Variants in ASB7 observed in about 807,000 individuals in gnomAD.
ASB7 encodes the protein ankyrin repeat and SOCS box protein 7.
Under a neutral mutation model 32.5 loss-of-function variants are expected in ASB7, and 4 were observed. The observed-to-expected ratio is 0.12, with a 90% CI of 0.06 to 0.28. ASB7 has a LOEUF of 0.28. ASB7 is among the 10% of genes least tolerant of loss of function. ASB7 has a pLI of 1.00. For synonymous variants in ASB7, 172 were observed against 155.6 expected (o/e 1.11, Z -0.78); for missense variants, 181 against 407.1 (o/e 0.44, Z 4.78).
At chr15:100,642,864 C>G (rs2039971016) in intron 5 of ASB7, among the ~76,000 whole-genome samples, 1 of 152,226 alleles carries the variant, frequency 6.6e-6, no homozygotes, top group South Asian at 2.1e-4. Flanking sequence ...TGGTGAAACC[C>G]TGTCTCTGTT....
chr15:100,612,375 C>A lies in ASB7; in HGVS notation c.159C>A (p.Phe53Leu). 1.9e-6 allele frequency: 3 copies of A among 1,614,146 alleles called. No individual in the cohort carries two copies. The highest frequency in any genetic ancestry group is 1.7e-6 in the Non-Finnish European group (2 of 1,179,982). Residue 53 changes from phenylalanine (F) to leucine (L), a missense_variant, in exon 4 of 6, where the codon TTC becomes TTA. By Grantham distance (22) the Phe-to-Leu change is conservative (BLOSUM62 0). Transcript: ENST00000332783. ...RDANGWTLLH[F>L]SAARGKERCV... is the part of the protein sequence containing the mutation. Reference sequence around the variant, plus strand: ...CGAATGGCTGGACTCTGCTTCATTTCTCTGCAGCAAGAGGAAAGGAAAGAT... The same window carrying A: ...CGAATGGCTGGACTCTGCTTCATTTATCTGCAGCAAGAGGAAAGGAAAGAT...
At chr15:100,622,281 C>G (rs1408493579) in intron 4 of ASB7, among the ~76,000 whole-genome samples, 1 of 151,958 alleles carries the variant, frequency 6.6e-6, no homozygotes, top group Non-Finnish European at 1.5e-5. Context: ...AGGAAAACTA[C>G]AAAGCACTGA....
At chr15:100,638,583 C>T (rs1467956106) in intron 5 of ASB7, 2 of 152,222 alleles carry the variant, frequency 1.3e-5, no homozygotes, top group Non-Finnish European at 2.9e-5. Context: ...TGCGCAGTAA[C>T]ATATCAAAGG....
At chr15:100,635,493 G>C (rs1237268131) in intron 5 of ASB7, among the ~76,000 whole-genome samples, 1 of 152,236 alleles carries the variant, frequency 6.6e-6, no homozygotes, top group South Asian at 2.1e-4. Context: ...CTGTGAATTG[G>C]GCTGTGAGTC....
intron 2 of ASB7, among the ~76,000 whole-genome samples, chr15:100,606,721 A>G (rs2039648082): frequency 6.6e-6 from 1 of 152,190 alleles, no homozygotes; most frequent in African/African-American, 2.4e-5. Flanking sequence ...CCCCAAGTGG[A>G]AAAGAAAGTC....
At chr15:100,624,500 C>A (rs1475372436) in intron 4 of ASB7, among the ~76,000 whole-genome samples, 1 of 152,090 alleles carries the variant, frequency 6.6e-6, no homozygotes, top group Non-Finnish European at 1.5e-5. Flanking sequence ...CTCTAGACAT[C>A]AAAAAGATTA....
At chr15:100,630,697 A>T (rs2039876880) in intron 5 of ASB7, among the ~76,000 whole-genome samples, 1 of 152,104 alleles carries the variant, frequency 6.6e-6, no homozygotes, top group Admixed American at 6.5e-5. Flanking sequence ...AAAGCCTGGA[A>T]GTGTCTGGCC....
intron 5 of ASB7, among the ~76,000 whole-genome samples, chr15:100,647,030 AT>A (rs892485968): frequency 6.8e-5 from 10 of 147,094 alleles, no homozygotes; most frequent in African/African-American, 2.3e-4. Context: ...TTCTTGTTAA[AT>A]TTTTTTTTGG....
At chr15:100,612,625 G>A (rs1183689552) in intron 4 of ASB7, 198 bp downstream of exon 4, 6 of 608,054 alleles carry the variant, frequency 9.9e-6, no homozygotes, top group African/African-American at 7.4e-5. Context: ...TTTTATGAAT[G>A]GATTCTTTTC....
At chr15:100,628,976 G>A (rs1269405999) in intron 4 of ASB7, among the ~76,000 whole-genome samples, 1 of 152,132 alleles carries the variant, frequency 6.6e-6, no homozygotes, top group Non-Finnish European at 1.5e-5. Context: ...AACACGGTGT[G>A]CCAGAGCATA....
Position 100,649,534 on chromosome 15 carries a change from C to T in ASB7, c.*1072C>T, listed in dbSNP as rs1002892169. 1 of 151,918 alleles carries T rather than the reference C, an allele frequency of 6.6e-6. No homozygotes were observed. The highest frequency in any genetic ancestry group is 2.4e-5 in the African/African-American group (1 of 41,316). 9.4% of individuals were successfully genotyped at this position (151,918 alleles called of 1,614,324 possible). Reference sequence around the variant, plus strand: ...TTTTCTTCCCAGTTTAAAAAAAAAACTTTTTAAGCGTAAAATCTTTAAGGG... The same window carrying T: ...TTTTCTTCCCAGTTTAAAAAAAAAATTTTTTAAGCGTAAAATCTTTAAGGG... On this transcript the variant is annotated 3_prime_UTR_variant, in exon 6 of 6. Transcript: ENST00000332783.
chr15:100,603,870 A>G (rs1326823317), intron 2 of ASB7, among the ~76,000 whole-genome samples: 2 of 152,210 alleles, frequency 1.3e-5, no homozygotes, highest in African/African-American at 2.4e-5. Context: ...CCTACTAGAA[A>G]GCCAACCTGT....
rs532795139 is a variant in ASB7 at position 100,649,459 on chromosome 15, A to G, written c.*997A>G. 1.3e-5 allele frequency: 2 copies of G among 152,186 alleles called. No homozygotes were observed. The highest frequency in any genetic ancestry group is 2.9e-5 in the Non-Finnish European group (2 of 67,990). The allele number at this position is 152,186 out of a possible 1,614,324, so 9.4% of individuals were successfully genotyped here. A position where few individuals can be genotyped will look rare whatever the true frequency, so the allele number is the denominator to read the frequency against. On this transcript the variant is annotated 3_prime_UTR_variant, in exon 6 of 6. Transcript: ENST00000332783. ...CGAGTCTTCCCTTAAAAATTGTTAA[A>G]TCATTTGGCTTTAATGGTTCAATAA...
chr15:100,636,710 C>T (rs780542711), intron 5 of ASB7, among the ~76,000 whole-genome samples: 1 of 152,156 alleles, frequency 6.6e-6, no homozygotes, highest in Non-Finnish European at 1.5e-5. Context: ...CTCTTAAAGG[C>T]TATGATTTTC....
intron 4 of ASB7, among the ~76,000 whole-genome samples, chr15:100,616,384 T>A (rs1290081688): frequency 6.6e-6 from 1 of 152,236 alleles, no homozygotes; most frequent in Non-Finnish European, 1.5e-5. Context: ...TTCTTTAGCC[T>A]TATCGTTTGT....
chr15:100,635,540 T>G (rs2039916157), intron 5 of ASB7, among the ~76,000 whole-genome samples: 1 of 152,164 alleles, frequency 6.6e-6, no homozygotes, highest in South Asian at 2.1e-4. Flanking sequence ...AGGGTTCCGG[T>G]CCCTGCAGTG....
At chr15:100,606,999 A>G (rs1295946336) in intron 2 of ASB7, among the ~76,000 whole-genome samples, 3 of 152,016 alleles carry the variant, frequency 2.0e-5, no homozygotes. Flanking sequence ...CTAAAAATAC[A>G]TGAATTAGCC....
intron 3 of ASB7, among the ~76,000 whole-genome samples, chr15:100,610,287 G>T (rs1567111351): frequency 2.0e-5 from 3 of 152,120 alleles, no homozygotes; most frequent in Non-Finnish European, 2.9e-5. Flanking sequence ...GAGGTCAGGA[G>T]ATCGAGACCA....
At chr15:100,643,837 T>C (rs929611525) in intron 5 of ASB7, among the ~76,000 whole-genome samples, 1 of 152,100 alleles carries the variant, frequency 6.6e-6, no homozygotes, top group African/African-American at 2.4e-5. Context: ...TCTAGTAATT[T>C]AGTTTTTACC....
Sources: gnomAD v4.1 joint callset for allele counts (sites outside exome capture counted in the v4.1 genomes callset) on GRCh38, gnomAD v4.1.1 for gene constraint, MANE v1.5 for transcripts, NCBI Gene and HGNC (gene_info 2026-07-23, HGNC 2026-07-21) for gene names.